SRRM4: variants seen among roughly 807,000 people sequenced by gnomAD.
SRRM4 encodes serine/arginine repetitive matrix 4.
In SRRM4, 33 loss-of-function variants were observed where a neutral mutation model predicts 68.9. That is an observed-to-expected ratio of 0.48 (90% CI 0.36 to 0.64). The LOEUF (loss-of-function observed/expected upper bound fraction) is 0.64, where lower values mean the gene tolerates loss of function less well. Ranked by LOEUF, SRRM4 falls within the 30% of genes least tolerant of loss-of-function variation. SRRM4 has a pLI of 0.00. For synonymous variants in SRRM4, 318 were observed against 318.8 expected (o/e 1.00, Z 0.03); for missense variants, 817 against 827.1 (o/e 0.99, Z 0.15).
intron 1 of SRRM4, among the ~76,000 whole-genome samples, chr12:118,996,681 T>C (rs553818592): frequency 2.0e-5 from 3 of 152,352 alleles, no homozygotes; most frequent in African/African-American, 7.2e-5. Context: ...ATAGGTATCA[T>C]TGTCTCCATT....
rs774565322 is a variant in SRRM4, at chr12:119,157,164, C to T, written c.*366C>T. 27 of 219,674 alleles carry T rather than the reference C, an allele frequency of 1.2e-4. No individual in the cohort carries two copies. Among genetic ancestry groups the T allele is most frequent in the Admixed American group, 3.6e-4 (7 of 19,524 alleles). 13.6% of individuals were successfully genotyped at this position (219,674 alleles called of 1,614,324 possible). A position where few individuals can be genotyped will look rare whatever the true frequency, so the allele number is the denominator to read the frequency against. ...TGGAGACAGTTCTTCTCCTCCACTGCTCACAGGAGGCCCGTGGTAATTCTC... is the reference window on the plus strand; with the variant it reads ...TGGAGACAGTTCTTCTCCTCCACTGTTCACAGGAGGCCCGTGGTAATTCTC... On this transcript the variant is annotated 3_prime_UTR_variant, in exon 13 of 13. Coordinates refer to ENST00000267260, the MANE Select transcript of SRRM4 (RefSeq NM_194286.4). This position sits in a 1 kb window ranked among gnomAD's most constrained non-coding sequence, Gnocchi z 4.1.
At chr12:119,048,179 G>C (rs1409767709) in intron 1 of SRRM4, among the ~76,000 whole-genome samples, 2 of 152,118 alleles carry the variant, frequency 1.3e-5, no homozygotes, top group Admixed American at 6.5e-5. Flanking sequence ...TTTTACAGTG[G>C]GGACACTGGA....
At chr12:119,003,278 G>T (rs952994946) in intron 1 of SRRM4, among the ~76,000 whole-genome samples, 1 of 151,246 alleles carries the variant, frequency 6.6e-6, no homozygotes, top group African/African-American at 2.4e-5. Flanking sequence ...CCCATCCCCC[G>T]CCACCAGCGT....
At chr12:119,102,023 G>A (rs958320368) in intron 1 of SRRM4, among the ~76,000 whole-genome samples, 1 of 152,154 alleles carries the variant, frequency 6.6e-6, no homozygotes, top group African/African-American at 2.4e-5. Flanking sequence ...CAGAGGAAGG[G>A]GGAGCTGGAA....
At chr12:119,147,430 C>T (rs1186871974) in intron 9 of SRRM4, among the ~76,000 whole-genome samples, 2 of 152,226 alleles carry the variant, frequency 1.3e-5, no homozygotes, top group Non-Finnish European at 2.9e-5. Context: ...ATGTATAACA[C>T]CAAGAGGGTA....
At chr12:119,082,144 G>A (rs145459134) in intron 1 of SRRM4, among the ~76,000 whole-genome samples, 56 of 152,084 alleles carry the variant, frequency 3.7e-4, no homozygotes, top group East Asian at 1.6e-3. Flanking sequence ...CTCATTATTC[G>A]GCAGGAGTTA....
intron 1 of SRRM4, among the ~76,000 whole-genome samples, chr12:119,049,383 T>C (rs1421165158): frequency 1.3e-5 from 2 of 152,130 alleles, no homozygotes; most frequent in Non-Finnish European, 1.5e-5. Context: ...AAGAGGAAAG[T>C]GATAAAATGA....
intron 8 of SRRM4, among the ~76,000 whole-genome samples, chr12:119,141,933 T>G (rs1954367824): frequency 6.6e-6 from 1 of 152,216 alleles, no homozygotes; most frequent in Non-Finnish European, 1.5e-5. Context: ...GAGAGAAGGC[T>G]TTCTAGAAGA....
intron 1 of SRRM4, among the ~76,000 whole-genome samples, chr12:119,100,361 G>A (rs1954071426): frequency 6.7e-6 from 1 of 149,204 alleles, no homozygotes; most frequent in Non-Finnish European, 1.5e-5. Flanking sequence ...GTGGTGGTGT[G>A]TAACTGTGGT....
chr12:119,043,083 C>T (rs1037869451), intron 1 of SRRM4, among the ~76,000 whole-genome samples: 7 of 152,158 alleles, frequency 4.6e-5, no homozygotes, highest in African/African-American at 1.4e-4. Flanking sequence ...TATAAAGATA[C>T]ATGCATGTGT....
intron 1 of SRRM4, among the ~76,000 whole-genome samples, chr12:119,055,755 T>C (rs1297961562): frequency 6.6e-6 from 1 of 152,218 alleles, no homozygotes; most frequent in Non-Finnish European, 1.5e-5. Context: ...AGCAGGACCA[T>C]GGCAAGTCAC....
At position 119,154,514 on chromosome 12, in the gene SRRM4, C is replaced by A; in HGVS notation, c.1532+131C>A. 1.0e-6 allele frequency: 1 copy of A among 977,468 alleles called. No homozygotes were observed. The highest frequency in any genetic ancestry group is 2.6e-5 in the East Asian group (1 of 37,772). 60.5% of individuals were successfully genotyped at this position (977,468 alleles called of 1,614,324 possible). On this transcript the variant is annotated intron_variant, in intron 12 of 12. Coordinates refer to ENST00000267260, the MANE Select transcript of SRRM4 (RefSeq NM_194286.4). This position sits in a 1 kb window ranked among gnomAD's most constrained non-coding sequence, Gnocchi z 4.7. ...AGGATTGTGCGAGCTTATGGTCCCC[C>A]CAACCCCAACATCATTGAAATTACG...
intron 1 of SRRM4, among the ~76,000 whole-genome samples, chr12:119,014,050 T>C (rs1028064790): frequency 5.9e-5 from 9 of 152,330 alleles, no homozygotes; most frequent in Non-Finnish European, 8.8e-5. Context: ...CTCTTTCATC[T>C]ATCCATTCTG....
At chr12:118,995,951 C>A (rs978189429) in intron 1 of SRRM4, among the ~76,000 whole-genome samples, 1 of 152,190 alleles carries the variant, frequency 6.6e-6, no homozygotes, top group Non-Finnish European at 1.5e-5. Flanking sequence ...TATTTTCCAG[C>A]AGTTTCTCTA....
chr12:119,153,824 C>T (rs575267570), intron 11 of SRRM4, among the ~76,000 whole-genome samples, 175 bp downstream of exon 11: 2 of 152,188 alleles, frequency 1.3e-5, no homozygotes, highest in South Asian at 4.1e-4. Flanking sequence ...GCATCAAATA[C>T]CCTTGTTTCC....
intron 1 of SRRM4, among the ~76,000 whole-genome samples, chr12:119,070,326 A>G (rs1304725440): frequency 1.3e-5 from 2 of 152,114 alleles, no homozygotes; most frequent in East Asian, 3.9e-4. Flanking sequence ...TGTTCTAAGC[A>G]TGAGGGATTC....
chr12:119,060,795 A>G (rs532113528), intron 1 of SRRM4, among the ~76,000 whole-genome samples: 5 of 152,202 alleles, frequency 3.3e-5, no homozygotes, highest in African/African-American at 1.2e-4. Flanking sequence ...ACCTCTGAAG[A>G]CAGCTTCTGG....
At chr12:119,033,426 G>C (rs1393399838) in intron 1 of SRRM4, among the ~76,000 whole-genome samples, 3 of 152,138 alleles carry the variant, frequency 2.0e-5, no homozygotes, top group Non-Finnish European at 4.4e-5. Flanking sequence ...AGCACTTAGG[G>C]AGACGGAGGT....
intron 1 of SRRM4, among the ~76,000 whole-genome samples, chr12:119,091,065 G>A (rs778157229): frequency 2.6e-5 from 4 of 152,120 alleles, no homozygotes; most frequent in Admixed American, 2.0e-4. Context: ...TTTCAGCAGC[G>A]GCTTACTGTC....
Sources: allele counts gnomAD v4.1 joint callset (sites outside exome capture counted in the v4.1 genomes callset), GRCh38; gene constraint gnomAD v4.1.1; non-coding constraint Gnocchi (gnomAD v3.1); transcripts MANE v1.5; gene names NCBI Gene and HGNC (gene_info 2026-07-23, HGNC 2026-07-21).